FAT3: variants seen among roughly 807,000 people sequenced by gnomAD.
The protein encoded by FAT3 is protocadherin Fat 3.
FAT3 carries 95 observed loss-of-function variants against 310.2 expected under a neutral mutation model. The observed-to-expected ratio is 0.31, with a 90% confidence interval of 0.26 to 0.36. The LOEUF is 0.36. FAT3 is among the 10% of genes least tolerant of loss of function. The pLI, the probability that FAT3 is intolerant of heterozygous loss-of-function variation, is 1.00. For synonymous variants in FAT3, 2,314 were observed against 2,192.9 expected (o/e 1.06, Z -1.54); for missense variants, 5,408 against 5,715.6 (o/e 0.95, Z 1.74).
intron 1 of FAT3, among the ~76,000 whole-genome samples, chr11:92,342,999 G>A (rs1274114778): frequency 6.6e-6 from 1 of 152,044 alleles, no homozygotes; most frequent in Non-Finnish European, 1.5e-5. Flanking sequence ...AATTACTCCT[G>A]AATTTGAAGC....
Position 92,806,518 on chromosome 11 carries a change from A to G in FAT3, c.9247+3A>G. On this transcript the variant is annotated splice_donor_region_variant and intron_variant, in intron 12 of 27. Coordinates refer to ENST00000525166, the MANE Select transcript of FAT3 (RefSeq NM_001367949.2). ...ATTTTTTCTAGATCCAGAAAGTGGTAAGCTAAAATTTATTATTGAGATAAA... is the reference window on the plus strand; with the variant it reads ...ATTTTTTCTAGATCCAGAAAGTGGTGAGCTAAAATTTATTATTGAGATAAA... The G allele has an allele frequency of 6.5e-7, 1 of 1,539,324 alleles. No individual in the cohort carries two copies.
rs1028150689 is a variant in FAT3 at position 92,347,922 on chromosome 11, C to T, written c.-17-4174C>T. 2.0e-5 allele frequency among the ~76,000 whole-genome samples: 3 copies of T among 152,006 alleles called. No homozygotes were observed. In the South Asian group the frequency reaches 6.2e-4, roughly 32 times the overall value. Reference sequence around the variant, plus strand: ...CTAAAATACTGTATCATATTGGCTTCACAAATAGCTTGGCTTCAATGTGGA... The same window carrying T: ...CTAAAATACTGTATCATATTGGCTTTACAAATAGCTTGGCTTCAATGTGGA... On this transcript the variant is annotated intron_variant, in intron 1 of 27. Coordinates refer to ENST00000525166, the MANE Select transcript of FAT3 (RefSeq NM_001367949.2).
At chr11:92,506,405 A>C (rs1233809710) in intron 2 of FAT3, among the ~76,000 whole-genome samples, 1 of 152,152 alleles carries the variant, frequency 6.6e-6, no homozygotes, top group Non-Finnish European at 1.5e-5. Flanking sequence ...ATACCTCCAC[A>C]ATACCATTCT....
intron 1 of FAT3, among the ~76,000 whole-genome samples, chr11:92,280,657 T>G (rs1384290900): frequency 6.6e-6 from 1 of 152,200 alleles, no homozygotes; most frequent in Non-Finnish European, 1.5e-5. Flanking sequence ...TAACTAACTC[T>G]GTGATCAGTT....
intron 3 of FAT3, among the ~76,000 whole-genome samples, chr11:92,630,464 A>T (rs1240034620): frequency 1.3e-5 from 2 of 152,150 alleles, no homozygotes; most frequent in African/African-American, 4.8e-5. Flanking sequence ...AGATTCATAG[A>T]TATCTCTGTG....
chr11:92,578,389 C>T (rs1938604746), intron 3 of FAT3, among the ~76,000 whole-genome samples: 1 of 152,072 alleles, frequency 6.6e-6, no homozygotes, highest in Non-Finnish European at 1.5e-5. Context: ...CTAGTGTACT[C>T]CCTACTTGAC....
At chr11:92,786,405 A>G (rs919199928) in intron 7 of FAT3, among the ~76,000 whole-genome samples, 1 of 152,154 alleles carries the variant, frequency 6.6e-6, no homozygotes. Context: ...AAAAATAAAG[A>G]ATGAGAGGCC....
At chr11:92,239,203 C>G (rs902899494) in intron 1 of FAT3, among the ~76,000 whole-genome samples, 21 of 152,086 alleles carry the variant, frequency 1.4e-4, no homozygotes, top group Non-Finnish European at 2.4e-4. Context: ...CTTTACCCCT[C>G]TGCCTAAAAG....
At chr11:92,279,504 C>T (rs1483603662) in intron 1 of FAT3, among the ~76,000 whole-genome samples, 3 of 152,134 alleles carry the variant, frequency 2.0e-5, no homozygotes, top group Non-Finnish European at 4.4e-5. Flanking sequence ...ATTATCTTCA[C>T]ACATGTGTGA....
At chr11:92,825,204 G>A (rs1047031141) in intron 13 of FAT3, among the ~76,000 whole-genome samples, 2 of 152,140 alleles carry the variant, frequency 1.3e-5, no homozygotes, top group African/African-American at 2.4e-5. Context: ...TGTTATGTTA[G>A]CAGGAACGTA....
rs1156418698 is a variant in FAT3, at chr11:92,844,454, C to T, written c.11087C>T (p.Thr3696Ile). 1.2e-6 allele frequency: 2 copies of T among 1,613,970 alleles called. No individual in the cohort carries two copies. Among genetic ancestry groups the T allele is most frequent in the Admixed American group, 3.3e-5 (2 of 60,010 alleles). Residue 3696 changes from threonine to isoleucine, a missense_variant, in exon 19 of 28, where the codon ACC becomes ATC. By Grantham distance (89) the Thr-to-Ile change is moderately conservative (BLOSUM62 -1). Transcript: ENST00000525166. ...ATCAGCATCCAGCCCGTGGCAGGCA[C>T]CAACCAACTGGACATGCTGTTTGCG... Reference protein sequence around the residue: ...RIISIQPVAGTNQLDMLFAVE... With the variant: ...RIISIQPVAGINQLDMLFAVE...
chr11:92,373,840 A>G (rs1026923435), intron 2 of FAT3, among the ~76,000 whole-genome samples: 4 of 150,932 alleles, frequency 2.7e-5, no homozygotes, highest in African/African-American at 9.7e-5. Flanking sequence ...ATATAGATGT[A>G]TGAGAGGAGA....
intron 1 of FAT3, among the ~76,000 whole-genome samples, chr11:92,315,506 T>G (rs2513471): frequency 0.024 from 2,035 of 86,330 alleles, 42 homozygotes; most frequent in African/African-American, 0.079. Context: ...TATATATATA[T>G]ATATATAGAG....
chr11:92,387,501 A>C (rs2134793765), intron 2 of FAT3, among the ~76,000 whole-genome samples: 1 of 152,196 alleles, frequency 6.6e-6, no homozygotes, highest in Middle Eastern at 3.4e-3. Context: ...AGGGTAGGGG[A>C]GAAGGGATGA....
intron 1 of FAT3, among the ~76,000 whole-genome samples, chr11:92,241,093 A>G (rs1350952408): frequency 6.6e-6 from 1 of 152,116 alleles, no homozygotes; most frequent in Non-Finnish European, 1.5e-5. Flanking sequence ...ATGAGATTCA[A>G]GGAGGTCATC....
intron 1 of FAT3, among the ~76,000 whole-genome samples, chr11:92,265,779 C>T (rs765199712): frequency 1.3e-5 from 2 of 151,966 alleles, no homozygotes; most frequent in Admixed American, 1.3e-4. Flanking sequence ...CTCTCTGGTG[C>T]CTCTTTTGTA....
chr11:92,450,474 G>A (rs1258458591), intron 2 of FAT3, among the ~76,000 whole-genome samples: 1 of 152,106 alleles, frequency 6.6e-6, no homozygotes, highest in African/African-American at 2.4e-5. Flanking sequence ...ATGAGCTAGA[G>A]AGAGGGATTG....
Position 92,517,899 on chromosome 11 carries a change from T to G in FAT3, c.3293-6735T>G, listed in dbSNP as rs940600663. 2.6e-5 allele frequency among the ~76,000 whole-genome samples: 4 copies of G among 152,052 alleles called. No individual in the cohort carries two copies. The East Asian group carries it at 7.7e-4, about 29-fold the overall frequency. On this transcript the variant is annotated intron_variant, in intron 2 of 27. Transcript: ENST00000525166. ...TCATCATCACTGGTCATTAGAGAAA[T>G]GCAAATTAAAACCACAATGAGATAC...
intron 13 of FAT3, among the ~76,000 whole-genome samples, chr11:92,816,137 A>T (rs974822260): frequency 2.0e-5 from 3 of 152,210 alleles, no homozygotes; most frequent in Non-Finnish European, 4.4e-5. Flanking sequence ...TTGAACTTGG[A>T]TGGAGATAGA....
Sources: gnomAD v4.1 joint callset for allele counts (sites outside exome capture counted in the v4.1 genomes callset) on GRCh38, gnomAD v4.1.1 for gene constraint, MANE v1.5 for transcripts, NCBI Gene and HGNC (gene_info 2026-07-23, HGNC 2026-07-21) for gene names.